MEF2C: variants seen among roughly 807,000 people sequenced by gnomAD.
The protein encoded by MEF2C is myocyte-specific enhancer factor 2C.
Under a neutral mutation model 50.5 loss-of-function variants are expected in MEF2C, and 6 were observed. That is an observed-to-expected ratio of 0.12 (90% confidence interval 0.07 to 0.23). MEF2C has a LOEUF of 0.23. MEF2C is among the 10% of genes least tolerant of loss of function. MEF2C has a pLI of 1.00. For synonymous variants in MEF2C, 183 were observed against 228.0 expected (o/e 0.80, Z 1.78); for missense variants, 276 against 605.0 (o/e 0.46, Z 5.70).
chr5:88,847,780 A>C (rs561543498), intron 1 of MEF2C, among the ~76,000 whole-genome samples: 12 of 152,308 alleles, frequency 7.9e-5, no homozygotes, highest in African/African-American at 2.6e-4. Context: ...AATCTGGTAC[A>C]TAAAATTAGG....
chr5:88,766,283 G>A (rs1780009425), intron 3 of MEF2C, among the ~76,000 whole-genome samples: 1 of 152,110 alleles, frequency 6.6e-6, no homozygotes, highest in Admixed American at 6.5e-5. Context: ...AAATGAAAAA[G>A]AATGCTACAT....
intron 3 of MEF2C, among the ~76,000 whole-genome samples, chr5:88,797,284 A>G (rs931631969): frequency 6.6e-6 from 1 of 151,944 alleles, no homozygotes; most frequent in African/African-American, 2.4e-5. Flanking sequence ...GTCTTTAAGG[A>G]CTTGCTTTAT....
At chr5:88,782,774 C>G (rs1035674326) in intron 3 of MEF2C, among the ~76,000 whole-genome samples, 1 of 152,170 alleles carries the variant, frequency 6.6e-6, no homozygotes. Context: ...TCTTTTCCAG[C>G]GGAACCTCTC....
chr5:88,837,057 CTGAT>C, intron 1 of MEF2C, among the ~76,000 whole-genome samples: 1 of 128,332 alleles, frequency 7.8e-6, no homozygotes, highest in Admixed American at 7.7e-5. Flanking sequence ...ATTTGGAAAA[CTGAT>C]TTATTTGTTA....
chr5:88,788,174 GTTTGTTTA>G (rs200234178), intron 3 of MEF2C, among the ~76,000 whole-genome samples: 21,964 of 114,952 alleles, frequency 0.19, 1,764 homozygotes, highest in East Asian at 0.4. Flanking sequence ...CAGTTTGTTT[GTTTGTTTA>G]TTTATTTATT....
chr5:88,900,256 A>C (rs1349343967), intron 1 of MEF2C, among the ~76,000 whole-genome samples: 2 of 151,776 alleles, frequency 1.3e-5, no homozygotes, highest in Non-Finnish European at 2.9e-5. Flanking sequence ...ATAATTAATA[A>C]TTTTGGAATT....
chr5:88,802,265 C>A (rs183434383), intron 3 of MEF2C, among the ~76,000 whole-genome samples: 14 of 152,218 alleles, frequency 9.2e-5, no homozygotes, highest in African/African-American at 3.4e-4. Context: ...GATGAGAAAA[C>A]GTCAGCCCAG....
intron 1 of MEF2C, among the ~76,000 whole-genome samples, chr5:88,845,133 A>C (rs991053670): frequency 6.6e-6 from 1 of 152,232 alleles, no homozygotes; most frequent in African/African-American, 2.4e-5. Flanking sequence ...ATGTTAATTA[A>C]TTTGAACTGC....
intron 3 of MEF2C, among the ~76,000 whole-genome samples, chr5:88,777,878 AG>A (rs1179317817): frequency 6.7e-6 from 1 of 148,658 alleles, no homozygotes; most frequent in African/African-American, 2.5e-5. Flanking sequence ...AGGAAAAGAA[AG>A]GGTGCTAAAT....
intron 2 of MEF2C, among the ~76,000 whole-genome samples, chr5:88,812,773 G>C (rs1803448447): frequency 6.6e-6 from 1 of 152,034 alleles, no homozygotes; most frequent in African/African-American, 2.4e-5. Context: ...TTCCTGGATG[G>C]ACTAGAAAAC....
intron 6 of MEF2C, chr5:88,738,850 T>TCAAAC: frequency 1.0e-6 from 1 of 985,306 alleles, no homozygotes; most frequent in South Asian, 4.7e-5. Context: ...ATGGTGATGT[T>TCAAAC]CAAACCATAT....
intron 1 of MEF2C, among the ~76,000 whole-genome samples, chr5:88,847,633 A>T (rs1044192298): frequency 3.9e-5 from 6 of 152,158 alleles, no homozygotes; most frequent in African/African-American, 7.2e-5. Context: ...GAGTACAGCG[A>T]CAATTCTCTG....
At chr5:88,872,131 TA>T (rs540943253) in intron 1 of MEF2C, among the ~76,000 whole-genome samples, 158 of 151,194 alleles carry the variant, frequency 1.0e-3, no homozygotes, top group Middle Eastern at 6.8e-3. Context: ...ATAAGAAAAA[TA>T]AAAAAAAGGT....
intron 3 of MEF2C, among the ~76,000 whole-genome samples, chr5:88,777,899 CTTTTTTTTTTTTTT>C (rs57841792): frequency 3.9e-5 from 3 of 77,320 alleles, no homozygotes; most frequent in Non-Finnish European, 6.8e-5. Context: ...TTTTTCTTTT[CTTTTTTTTTTTTTT>C]TTTTTTTTTG....
chr5:88,774,922 T>G (rs1461571990), intron 3 of MEF2C, among the ~76,000 whole-genome samples: 1 of 152,248 alleles, frequency 6.6e-6, no homozygotes, highest in Non-Finnish European at 1.5e-5. Context: ...GTCGTAGTTC[T>G]GCATGCTGCA....
At chr5:88,723,939 C>A (rs888067951) in intron 10 of MEF2C, among the ~76,000 whole-genome samples, 2 of 152,080 alleles carry the variant, frequency 1.3e-5, no homozygotes, top group Non-Finnish European at 2.9e-5. Context: ...AGTATTAAGC[C>A]CTTAAGTGTA....
At chr5:88,777,899 C>CTTTTCT (rs1410486790) in intron 3 of MEF2C, among the ~76,000 whole-genome samples, 6 of 77,320 alleles carry the variant, frequency 7.8e-5, no homozygotes, top group African/African-American at 1.6e-4. Context: ...TTTTTCTTTT[C>CTTTTCT]TTTTTTTTTT....
chr5:88,742,979 C>T, intron 6 of MEF2C: 4 of 973,204 alleles, frequency 4.1e-6, no homozygotes, highest in Non-Finnish European at 4.9e-6. Flanking sequence ...TAAAGCAATG[C>T]CGTTAGTTAT....
intron 2 of MEF2C, among the ~76,000 whole-genome samples, chr5:88,809,457 C>T (rs773060462): frequency 6.6e-6 from 1 of 152,082 alleles, no homozygotes; most frequent in Non-Finnish European, 1.5e-5. Context: ...CTGTGGCTTC[C>T]ATTACATAAA....
Sources: gnomAD v4.1 joint callset for allele counts (sites outside exome capture counted in the v4.1 genomes callset) on GRCh38, gnomAD v4.1.1 for gene constraint, MANE v1.5 for transcripts, NCBI Gene and HGNC (gene_info 2026-07-23, HGNC 2026-07-21) for gene names.